Variants in PPARGC1A observed in about 807,000 individuals in gnomAD.
PPARGC1A encodes peroxisome proliferator-activated receptor gamma coactivator 1-alpha.
Under a neutral mutation model 88.7 loss-of-function variants are expected in PPARGC1A, and 25 were observed. That is an observed-to-expected ratio of 0.28 (90% CI 0.21 to 0.39). PPARGC1A has a LOEUF of 0.39. Ranked by LOEUF, PPARGC1A falls within the 10% of genes least tolerant of loss-of-function variation. The pLI, the probability that PPARGC1A is intolerant of heterozygous loss-of-function variation, is 1.00. For synonymous variants in PPARGC1A, 363 were observed against 355.6 expected (o/e 1.02, Z -0.24); for missense variants, 880 against 968.7 (o/e 0.91, Z 1.22).
the PPARGC1A span, among the ~76,000 whole-genome samples, chr4:24,069,170 C>A: frequency 1.3e-5 from 2 of 152,184 alleles, no homozygotes; most frequent in African/African-American, 4.8e-5. Context: ...GCTTCAGGGT[C>A]TTGCATATAG....
At chr4:23,830,575 A>T (rs910096512) in intron 3 of PPARGC1A, among the ~76,000 whole-genome samples, 3 of 152,170 alleles carry the variant, frequency 2.0e-5, no homozygotes, top group Admixed American at 2.0e-4. Flanking sequence ...AATCCAATGG[A>T]CTCAAAGTAG....
At chr4:24,250,115 T>A in the PPARGC1A span, among the ~76,000 whole-genome samples, 1 of 152,178 alleles carries the variant, frequency 6.6e-6, no homozygotes, top group African/African-American at 2.4e-5. Context: ...TGGTTGTCTC[T>A]AGATATGAGG....
At chr4:24,094,864 TA>T in the PPARGC1A span, among the ~76,000 whole-genome samples, 1 of 152,102 alleles carries the variant, frequency 6.6e-6, no homozygotes, top group Non-Finnish European at 1.5e-5. Context: ...GGAGAAACTA[TA>T]AAAATAAACA....
At chr4:24,043,973 A>T in the PPARGC1A span, among the ~76,000 whole-genome samples, 1 of 152,228 alleles carries the variant, frequency 6.6e-6, no homozygotes, top group East Asian at 1.9e-4. Context: ...AGAAAGAGCC[A>T]GTGGTTTTGG....
At chr4:24,370,902 G>A in the PPARGC1A span, among the ~76,000 whole-genome samples, 1 of 151,810 alleles carries the variant, frequency 6.6e-6, no homozygotes, top group African/African-American at 2.4e-5. Flanking sequence ...GTATGCATTA[G>A]TTATTTGTCC....
chr4:23,938,692 T>G, the PPARGC1A span, among the ~76,000 whole-genome samples: 1 of 152,176 alleles, frequency 6.6e-6, no homozygotes, highest in African/African-American at 2.4e-5. Context: ...TCCCTTTCAT[T>G]AGGCAGGGAT....
chr4:23,797,411 A>G (rs1234115652), intron 12 of PPARGC1A, among the ~76,000 whole-genome samples: 1 of 152,134 alleles, frequency 6.6e-6, no homozygotes, highest in African/African-American at 2.4e-5. Flanking sequence ...TCAGAATTCC[A>G]CTTGCATTGT....
chr4:24,320,613 CAA>C, the PPARGC1A span, among the ~76,000 whole-genome samples: 1 of 147,424 alleles, frequency 6.8e-6, no homozygotes, highest in Non-Finnish European at 1.5e-5. Flanking sequence ...CCTTTGAAAA[CAA>C]AGACCATCCT....
the PPARGC1A span, among the ~76,000 whole-genome samples, chr4:23,988,585 T>G: frequency 4.6e-5 from 7 of 152,114 alleles, no homozygotes; most frequent in African/African-American, 1.4e-4. Context: ...AAAATTTCAG[T>G]GTACTGAAGA....
the PPARGC1A span, among the ~76,000 whole-genome samples, chr4:24,107,903 G>T: frequency 6.6e-6 from 1 of 152,192 alleles, no homozygotes; most frequent in Admixed American, 6.5e-5. Context: ...AGATTAAAGA[G>T]GATGAAAAAT....
At chr4:24,143,699 C>T in the PPARGC1A span, among the ~76,000 whole-genome samples, 2 of 152,184 alleles carry the variant, frequency 1.3e-5, no homozygotes, top group African/African-American at 4.8e-5. Flanking sequence ...ATTTTGATCA[C>T]TTTTTTATTA....
At chr4:24,465,005 T>C in the PPARGC1A span, among the ~76,000 whole-genome samples, 3 of 152,340 alleles carry the variant, frequency 2.0e-5, no homozygotes, top group Non-Finnish European at 2.9e-5. Context: ...TAGCTACGAT[T>C]ACAGGCACAC....
At chr4:23,938,083 C>A in the PPARGC1A span, among the ~76,000 whole-genome samples, 1 of 151,566 alleles carries the variant, frequency 6.6e-6, no homozygotes, top group Non-Finnish European at 1.5e-5. Context: ...CCTATGAGAT[C>A]CAGAGTAAAG....
the PPARGC1A span, among the ~76,000 whole-genome samples, chr4:24,165,199 A>G: frequency 2.6e-5 from 4 of 152,106 alleles, no homozygotes; most frequent in Admixed American, 6.6e-5. Context: ...AAAAATTTTA[A>G]TTTTTTTATT....
the PPARGC1A span, among the ~76,000 whole-genome samples, chr4:23,968,141 G>T: frequency 6.6e-6 from 1 of 152,196 alleles, no homozygotes; most frequent in African/African-American, 2.4e-5. Context: ...ACAGCCTCCA[G>T]ATCCCATAAG....
At chr4:24,205,888 C>T in the PPARGC1A span, among the ~76,000 whole-genome samples, 1 of 152,140 alleles carries the variant, frequency 6.6e-6, no homozygotes, top group Non-Finnish European at 1.5e-5. Context: ...CAATATATGG[C>T]TAAACATAAG....
At chr4:24,446,591 A>ATTTT in the PPARGC1A span, among the ~76,000 whole-genome samples, 3 of 134,880 alleles carry the variant, frequency 2.2e-5, no homozygotes, top group Non-Finnish European at 3.2e-5. Context: ...AAAACACTGA[A>ATTTT]TTTTTTTTTT....
chr4:24,060,264 A>G, the PPARGC1A span, among the ~76,000 whole-genome samples: 1 of 152,336 alleles, frequency 6.6e-6, no homozygotes, highest in Non-Finnish European at 1.5e-5. Context: ...CTGCCACACA[A>G]GCAGACTCTG....
upstream of PPARGC1A, among the ~76,000 whole-genome samples, chr4:23,905,281 C>T (rs1283791562): frequency 6.6e-6 from 1 of 152,170 alleles, no homozygotes; most frequent in Non-Finnish European, 1.5e-5. Flanking sequence ...ACAAGGAAGT[C>T]AACAACTGCC....
Sources: allele counts gnomAD v4.1 joint callset (sites outside exome capture counted in the v4.1 genomes callset), GRCh38; gene constraint gnomAD v4.1.1; transcripts MANE v1.5; gene names NCBI Gene and HGNC (gene_info 2026-07-23, HGNC 2026-07-21).